Variants in ITIH5 observed in about 807,000 individuals in gnomAD.
ITIH5 encodes the protein inter-alpha-trypsin inhibitor heavy chain 5.
ITIH5 carries 65 observed loss-of-function variants against 77.5 expected under a neutral mutation model. The observed-to-expected ratio is 0.84, with a 90% confidence interval of 0.69 to 1.03. ITIH5 has a LOEUF of 1.03. Among genes scored for constraint, ITIH5 ranks in the 50% least tolerant of loss-of-function variants. ITIH5 has a pLI of 0.00. For missense variants in ITIH5, 1,208 were observed against 1,213.1 expected (o/e 1.00, Z 0.06); for synonymous variants, 525 against 494.3 (o/e 1.06, Z -0.82).
intron 12 of ITIH5, among the ~76,000 whole-genome samples, chr10:7,568,638 C>A: frequency 6.6e-6 from 1 of 152,146 alleles, no homozygotes; most frequent in East Asian, 1.9e-4. Flanking sequence ...GCTGGGGGAC[C>A]CTGTGCAACC....
In ITIH5 at chr10:7,562,974, T is replaced by TCCAGCGAATTG; in HGVS notation, c.*108_*109insCAATTCGCTGG. On this transcript the variant is annotated 3_prime_UTR_variant, in exon 14 of 14. Transcript: ENST00000397146. ...GCTGCACCAGGGGTGGGTCATGGAG[T>TCCAGCGAATTG]CCAGCTAATTGCCAGGAGCTGAGGC... 1 of 953,206 alleles carries TCCAGCGAATTG rather than the reference T, an allele frequency of 1.0e-6. No homozygotes were observed. The highest frequency in any genetic ancestry group is 1.7e-6 in the Non-Finnish European group (1 of 598,712). The allele number at this position is 953,206 out of a possible 1,614,324, so 59.0% of individuals were successfully genotyped here.
chr10:7,598,476 T>C (rs1832953116), intron 7 of ITIH5, among the ~76,000 whole-genome samples: 1 of 152,214 alleles, frequency 6.6e-6, no homozygotes, highest in African/African-American at 2.4e-5. Flanking sequence ...TTCTTTGTTC[T>C]CAACATTTTT....
At chr10:7,578,521 A>T (rs975655336) in intron 9 of ITIH5, 3 of 155,528 alleles carry the variant, frequency 1.9e-5, no homozygotes, top group African/African-American at 7.2e-5. Flanking sequence ...AATAATTTTT[A>T]AAATGTGGAA....
At chr10:7,575,441 C>T (rs1832390753) in intron 10 of ITIH5, among the ~76,000 whole-genome samples, 1 of 152,154 alleles carries the variant, frequency 6.6e-6, no homozygotes, top group Non-Finnish European at 1.5e-5. Flanking sequence ...AGGGTCCGAC[C>T]AAACTCAGTT....
chr10:7,652,973 T>C (rs1834124603), intron 2 of ITIH5, among the ~76,000 whole-genome samples: 1 of 151,986 alleles, frequency 6.6e-6, no homozygotes, highest in South Asian at 2.1e-4. Flanking sequence ...ATCCTTGTTA[T>C]GGAGAATGGT....
At chr10:7,582,078 T>C (rs111616380) in intron 8 of ITIH5, among the ~76,000 whole-genome samples, 5,327 of 152,020 alleles carry the variant, frequency 0.035, 277 homozygotes, top group African/African-American at 0.12. Flanking sequence ...GGTTTCACCA[T>C]GTTGGCCAGG....
intron 7 of ITIH5, among the ~76,000 whole-genome samples, chr10:7,604,269 A>G (rs1833077842): frequency 6.6e-6 from 1 of 152,100 alleles, no homozygotes; most frequent in African/African-American, 2.4e-5. Context: ...CAGTGGGTGG[A>G]GGTTTCCTCT....
In ITIH5 at chr10:7,579,800, G is replaced by A; in HGVS notation, c.1373C>T (p.Thr458Ile). The part of the protein sequence containing the change: ...EKLSLENCGL[T>I]RRVHEEEDAG... Reference sequence around the variant, plus strand: ...GTCCTCCTCCTCGTGCACGCGCCGTGTGAGGCCACAGTTCTCCAGCGACAG... The same window carrying A: ...GTCCTCCTCCTCGTGCACGCGCCGTATGAGGCCACAGTTCTCCAGCGACAG... Residue 458 changes from threonine (T) to isoleucine (I), a missense_variant, in exon 9 of 14, where the codon ACA becomes ATA. Coordinates refer to ENST00000397146, the MANE Select transcript of ITIH5 (RefSeq NM_030569.7). 1 of 1,614,144 alleles carries A rather than the reference G, an allele frequency of 6.2e-7. No individual in the cohort carries two copies. Among genetic ancestry groups the A allele is most frequent in the Non-Finnish European group, 8.5e-7 (1 of 1,180,030 alleles).
intron 7 of ITIH5, among the ~76,000 whole-genome samples, chr10:7,611,108 A>G (rs1478779093): frequency 6.6e-6 from 1 of 152,260 alleles, no homozygotes; most frequent in Non-Finnish European, 1.5e-5. Context: ...TCTTGCCGCA[A>G]CCACACTCTT....
In ITIH5 at chr10:7,603,773, C is replaced by T. The variant is rs533498148; in HGVS notation, c.939+12209G>A. Among the ~76,000 whole-genome samples, 156 of 152,122 alleles carry T rather than the reference C, an allele frequency of 1.0e-3. 1 individual carries two copies. The highest frequency in any genetic ancestry group is 3.3e-3 in the African/African-American group (138 of 41,498). Reference sequence around the variant, plus strand: ...AATTTTTTTGTATTTTTAGTAGAGACGAGGTTTCACTGTGTTAGCCAGGAT... The same window carrying T: ...AATTTTTTTGTATTTTTAGTAGAGATGAGGTTTCACTGTGTTAGCCAGGAT... On this transcript the variant is annotated intron_variant, in intron 7 of 13. Transcript: ENST00000397146.
In ITIH5 at chr10:7,592,019, C is replaced by T. The variant is rs150057847; in HGVS notation, c.940-5950G>A. Among the ~76,000 whole-genome samples the T allele has an allele frequency of 9.2e-3, 1,404 of 152,132 alleles. 19 individuals carry two copies. Among genetic ancestry groups the T allele is most frequent in the African/African-American group, 0.033 (1,349 of 41,472 alleles). ...CTGAGTAGCTGGGGCTACAGGTGCACGTCACCATGCCCAGCTGATTTTAGT... is the reference window on the plus strand; with the variant it reads ...CTGAGTAGCTGGGGCTACAGGTGCATGTCACCATGCCCAGCTGATTTTAGT... On this transcript the variant is annotated intron_variant, in intron 7 of 13. Transcript: ENST00000397146.
chr10:7,621,919 G>C (rs901774595), intron 5 of ITIH5: 4 of 152,208 alleles, frequency 2.6e-5, no homozygotes, highest in African/African-American at 4.8e-5. Flanking sequence ...GAACAAAAAA[G>C]AGGAAGAATC....
intron 7 of ITIH5, among the ~76,000 whole-genome samples, chr10:7,597,287 C>A (rs1009379222): frequency 1.3e-5 from 2 of 152,090 alleles, no homozygotes; most frequent in Non-Finnish European, 2.9e-5. Context: ...TGTCCTTGGG[C>A]CTTCCTGACC....
chr10:7,608,503 G>A (rs895337888), intron 7 of ITIH5, among the ~76,000 whole-genome samples: 13 of 152,072 alleles, frequency 8.5e-5, no homozygotes, highest in African/African-American at 2.9e-4. Context: ...GCCTCGTCTC[G>A]AACTCCTGGG....
intron 1 of ITIH5, among the ~76,000 whole-genome samples, chr10:7,664,275 C>T (rs976985986): frequency 6.6e-6 from 1 of 151,686 alleles, no homozygotes; most frequent in South Asian, 2.1e-4. Flanking sequence ...TGGAGTGCAC[C>T]TGTAATCCCA....
At position 7,658,353 on chromosome 10, in the gene ITIH5, G is replaced by C. The variant is rs558162890; in HGVS notation, c.91-2678C>G. ...TAAGTTGCCATTCTAAGCCATTATA[G>C]AGTCTACTATTCAATAGAACATGGG... is the stretch of plus-strand genomic sequence containing the variant. On this transcript the variant is annotated intron_variant, in intron 1 of 13. Coordinates refer to ENST00000397146, the MANE Select transcript of ITIH5 (RefSeq NM_030569.7). Among the ~76,000 whole-genome samples, 7 of 152,260 alleles carry C rather than the reference G, an allele frequency of 4.6e-5. No homozygotes were observed. The South Asian group carries it at 1.5e-3, about 32-fold the overall frequency.
intron 5 of ITIH5, among the ~76,000 whole-genome samples, chr10:7,631,830 A>G (rs1833717997): frequency 6.9e-6 from 1 of 143,998 alleles, no homozygotes; most frequent in South Asian, 2.2e-4. Flanking sequence ...TCTGTCACCC[A>G]GGCTGGAGTG....
chr10:7,599,312 T>C (rs112840406), intron 7 of ITIH5, among the ~76,000 whole-genome samples: 5,088 of 152,272 alleles, frequency 0.033, 270 homozygotes, highest in African/African-American at 0.12. Context: ...CCTCTAACTC[T>C]TGGCTCCAGG....
intron 5 of ITIH5, among the ~76,000 whole-genome samples, chr10:7,633,803 G>A (rs1314253046): frequency 6.6e-6 from 1 of 152,072 alleles, no homozygotes; most frequent in African/African-American, 2.4e-5. Flanking sequence ...AAATGGGTCC[G>A]TGGTGGCCGG....
Sources: allele counts gnomAD v4.1 joint callset (sites outside exome capture counted in the v4.1 genomes callset), GRCh38; gene constraint gnomAD v4.1.1; transcripts MANE v1.5; gene names NCBI Gene and HGNC (gene_info 2026-07-23, HGNC 2026-07-21).